Variants in SLC22A23 observed in about 807,000 individuals in gnomAD.
The protein encoded by SLC22A23 is ion transporter protein.
SLC22A23 carries 26 observed loss-of-function variants against 61.0 expected under a neutral mutation model. The ratio of observed to expected loss-of-function variants is 0.43; its 90% CI spans 0.31 to 0.59. The LOEUF (loss-of-function observed/expected upper bound fraction) is 0.59. Ranked by LOEUF, SLC22A23 falls within the 20% of genes least tolerant of loss-of-function variation. The pLI is 0.11. For synonymous variants in SLC22A23, 430 were observed against 413.9 expected (o/e 1.04, Z -0.47); for missense variants, 796 against 934.7 (o/e 0.85, Z 1.94).
chr6:3,365,872 G>A (rs1301203498), intron 3 of SLC22A23, among the ~76,000 whole-genome samples: 7 of 152,120 alleles, frequency 4.6e-5, no homozygotes, highest in Admixed American at 3.9e-4. Flanking sequence ...TCTTCTGGCC[G>A]ACATACTTTG....
chr6:3,346,597 T>C (rs1764454091), intron 3 of SLC22A23, among the ~76,000 whole-genome samples: 1 of 152,224 alleles, frequency 6.6e-6, no homozygotes, highest in Admixed American at 6.5e-5. Flanking sequence ...AACCCTTGTG[T>C]TGGCATTGCA....
intron 3 of SLC22A23, among the ~76,000 whole-genome samples, chr6:3,401,390 G>A (rs902564392): frequency 1.3e-5 from 2 of 151,876 alleles, no homozygotes; most frequent in African/African-American, 4.8e-5. Flanking sequence ...GGCTGAAATG[G>A]TAAACTGTAT....
At chr6:3,431,710 A>T (rs747492825) in intron 1 of SLC22A23, among the ~76,000 whole-genome samples, 3 of 152,218 alleles carry the variant, frequency 2.0e-5, no homozygotes, top group Non-Finnish European at 4.4e-5. Flanking sequence ...GGAGATGTCA[A>T]ATAGCTAGGG....
chr6:3,276,276 C>T (rs535375232), intron 9 of SLC22A23, among the ~76,000 whole-genome samples: 30 of 152,350 alleles, frequency 2.0e-4, no homozygotes, highest in African/African-American at 7.0e-4. Flanking sequence ...CAAGGGCAGC[C>T]TTGCCAGGCT....
At chr6:3,303,077 C>T (rs913884382) in intron 4 of SLC22A23, 1 of 152,042 alleles carries the variant, frequency 6.6e-6, no homozygotes, top group Non-Finnish European at 1.5e-5. Flanking sequence ...TTAAAAGACA[C>T]AAATGGCCAA....
intron 3 of SLC22A23, among the ~76,000 whole-genome samples, chr6:3,402,993 C>T (rs974358355): frequency 3.3e-5 from 5 of 152,288 alleles, no homozygotes; most frequent in South Asian, 2.1e-4. Flanking sequence ...TGGCAGGATG[C>T]GCTGATTTGA....
At chr6:3,288,453 C>T (rs1047254147) in intron 6 of SLC22A23, among the ~76,000 whole-genome samples, 1 of 152,216 alleles carries the variant, frequency 6.6e-6, no homozygotes, top group Non-Finnish European at 1.5e-5. Context: ...CGCACAATGG[C>T]TTTATAATCC....
intron 3 of SLC22A23, among the ~76,000 whole-genome samples, chr6:3,393,708 A>T (rs1232730192): frequency 6.6e-6 from 1 of 152,260 alleles, no homozygotes; most frequent in African/African-American, 2.4e-5. Flanking sequence ...CTTTGGGTTC[A>T]TGTTTACAAA....
rs961600032 is a variant in SLC22A23, at chr6:3,304,854, C to T, written c.1083-6636G>A. Among the ~76,000 whole-genome samples the T allele has an allele frequency of 6.6e-6, 1 of 152,048 alleles. No homozygotes were observed. The highest frequency in any genetic ancestry group is 1.5e-5 in the Non-Finnish European group (1 of 68,002). On this transcript the variant is annotated intron_variant, in intron 4 of 9. Coordinates refer to ENST00000406686, the MANE Select transcript of SLC22A23 (RefSeq NM_015482.2). The surrounding 1 kb of genome is among the most constrained non-coding windows in gnomAD (Gnocchi z 4.3). ...TTCAGAGAGCTGCAAGCTGATAAAC[C>T]CGAATGCTGGGAATGAGGTGAGAAG...
At chr6:3,336,919 C>G (rs1763891901) in intron 3 of SLC22A23, among the ~76,000 whole-genome samples, 1 of 151,886 alleles carries the variant, frequency 6.6e-6, no homozygotes, top group Non-Finnish European at 1.5e-5. Flanking sequence ...ACTTCAGCCT[C>G]CCACTTCAGC....
chr6:3,425,321 G>A (rs1770420264), intron 1 of SLC22A23, among the ~76,000 whole-genome samples: 1 of 117,618 alleles, frequency 8.5e-6, no homozygotes, highest in Non-Finnish European at 1.6e-5. Flanking sequence ...GAGTCTCACT[G>A]TTGCCCAGGC....
chr6:3,395,235 G>A (rs937748102), intron 3 of SLC22A23, among the ~76,000 whole-genome samples: 2 of 152,188 alleles, frequency 1.3e-5, no homozygotes, highest in African/African-American at 4.8e-5. Flanking sequence ...AGATTTTGGA[G>A]CCCACATTTT....
At chr6:3,452,576 G>C (rs187952655) in intron 1 of SLC22A23, among the ~76,000 whole-genome samples, 1 of 120,302 alleles carries the variant, frequency 8.3e-6, no homozygotes, top group Admixed American at 1.1e-4. Flanking sequence ...ACTCCAGCCT[G>C]GGCAACAGAG....
intron 4 of SLC22A23, among the ~76,000 whole-genome samples, chr6:3,310,288 AGG>A (rs1561888165): frequency 7.5e-4 from 105 of 140,204 alleles, no homozygotes; most frequent in African/African-American, 2.9e-3. Flanking sequence ...CCTGTCTCCC[AGG>A]GAGCACCCTG....
intron 3 of SLC22A23, among the ~76,000 whole-genome samples, chr6:3,351,284 GC>G (rs1387758237): frequency 6.6e-6 from 1 of 152,246 alleles, no homozygotes; most frequent in Non-Finnish European, 1.5e-5. Flanking sequence ...TAGCCGGATG[GC>G]CCTTTGTCCA....
chr6:3,387,546 A>G lies in SLC22A23; in HGVS notation c.913+22642T>C, dbSNP rs886148997. ...GAGAAAACACTGGTGAGATTCAAGGAAAGTCCGTCGTTTAGTTAGTCCCAC... is the reference window on the plus strand; with the variant it reads ...GAGAAAACACTGGTGAGATTCAAGGGAAGTCCGTCGTTTAGTTAGTCCCAC... On this transcript the variant is annotated intron_variant, in intron 3 of 9. Coordinates refer to ENST00000406686, the MANE Select transcript of SLC22A23 (RefSeq NM_015482.2). The surrounding 1 kb of genome is among the most constrained non-coding windows in gnomAD (Gnocchi z 5.0). 1.3e-5 allele frequency among the ~76,000 whole-genome samples: 2 copies of G among 152,202 alleles called. No individual in the cohort carries two copies. Among genetic ancestry groups the G allele is most frequent in the South Asian group, 2.1e-4 (1 of 4,832 alleles).
At chr6:3,422,028 C>T (rs545587300) in intron 1 of SLC22A23, among the ~76,000 whole-genome samples, 37 of 152,284 alleles carry the variant, frequency 2.4e-4, no homozygotes, top group Non-Finnish European at 4.6e-4. Flanking sequence ...GTTCTATCAG[C>T]AAACCACGAG....
At chr6:3,373,789 G>T (rs990220866) in intron 3 of SLC22A23, among the ~76,000 whole-genome samples, 2 of 152,164 alleles carry the variant, frequency 1.3e-5, no homozygotes, top group African/African-American at 4.8e-5. Context: ...CACTGTGATC[G>T]CTGCCCTTCA....
chr6:3,307,796 T>TA (rs1762091058), intron 4 of SLC22A23, among the ~76,000 whole-genome samples: 1 of 152,216 alleles, frequency 6.6e-6, no homozygotes, highest in Non-Finnish European at 1.5e-5. Flanking sequence ...AAAGCACAGA[T>TA]AAACCCATTC....
Sources: allele counts gnomAD v4.1 joint callset (sites outside exome capture counted in the v4.1 genomes callset), GRCh38; gene constraint gnomAD v4.1.1; non-coding constraint Gnocchi (gnomAD v3.1); transcripts MANE v1.5; gene names NCBI Gene and HGNC (gene_info 2026-07-23, HGNC 2026-07-21).